PDE4D: variants seen among roughly 807,000 people sequenced by gnomAD.
PDE4D encodes the protein phosphodiesterase 4D, also known as 3',5'-cyclic-AMP phosphodiesterase 4D.
Under a neutral mutation model 87.4 loss-of-function variants are expected in PDE4D, and 24 were observed. The ratio of observed to expected loss-of-function variants is 0.27; its 90% CI spans 0.20 to 0.39. The LOEUF (loss-of-function observed/expected upper bound fraction) is 0.39. Ranked by LOEUF, PDE4D falls within the 10% of genes least tolerant of loss-of-function variation. PDE4D has a pLI of 1.00. For missense variants in PDE4D, 714 were observed against 1,041.0 expected (o/e 0.69, Z 4.32); for synonymous variants, 384 against 383.2 (o/e 1.00, Z -0.02).
chr5:59,661,260 T>C (rs1745217271), intron 1 of PDE4D, among the ~76,000 whole-genome samples: 1 of 152,036 alleles, frequency 6.6e-6, no homozygotes, highest in Non-Finnish European at 1.5e-5. Context: ...TTAAATAGCT[T>C]TTCCTTAGTA....
intron 1 of PDE4D, among the ~76,000 whole-genome samples, chr5:59,357,310 A>T (rs1781545867): frequency 6.6e-6 from 1 of 152,178 alleles, no homozygotes; most frequent in Admixed American, 6.5e-5. Context: ...TAAAAAATAC[A>T]TGCCTATGAC....
chr5:60,031,225 G>C (rs904927851), intron 2 of PDE4D, among the ~76,000 whole-genome samples: 1 of 152,164 alleles, frequency 6.6e-6, no homozygotes, highest in Non-Finnish European at 1.5e-5. Flanking sequence ...AAGAAACCCT[G>C]ATTTAGTCTA....
chr5:60,399,418 G>T (rs1260407074), intron 1 of PDE4D, among the ~76,000 whole-genome samples: 2 of 152,168 alleles, frequency 1.3e-5, no homozygotes, highest in African/African-American at 2.4e-5. Flanking sequence ...GTGGCCTTCT[G>T]GTATCTGAAA....
chr5:59,879,833 C>T (rs10472115), intron 1 of PDE4D, among the ~76,000 whole-genome samples: 14,105 of 152,186 alleles, frequency 0.093, 2,024 homozygotes, highest in African/African-American at 0.31. Context: ...CTCCGCTCCC[C>T]GGGTTTAAGC....
Position 59,215,887 on chromosome 5 carries a change from T to C in PDE4D, c.537A>G (p.Gln179=). ...MTSPGSGLIL[Q]ANFVHSQRRE... ...GTCGTTGACTGTGGACAAAATTTGC[T>C]TGGAGAATTAGCCCGGATCCTGGGC... The change falls in exon 2 of 15, where the codon CAA becomes CAG. Residue 179 remains glutamine, a synonymous_variant. Coordinates refer to ENST00000340635, the MANE Select transcript of PDE4D (RefSeq NM_001104631.2). 1.2e-6 allele frequency: 2 copies of C among 1,613,624 alleles called. No individual in the cohort carries two copies. Among genetic ancestry groups the C allele is most frequent in the Non-Finnish European group, 1.7e-6 (2 of 1,179,646 alleles).
At chr5:60,098,765 T>A (rs1181472667) in intron 2 of PDE4D, among the ~76,000 whole-genome samples, 1 of 152,080 alleles carries the variant, frequency 6.6e-6, no homozygotes, top group African/African-American at 2.4e-5. Context: ...TTTACTTCCA[T>A]TTCTTGCCTA....
At chr5:59,908,318 T>C (rs1380101027) in intron 3 of PDE4D, among the ~76,000 whole-genome samples, 3 of 152,178 alleles carry the variant, frequency 2.0e-5, no homozygotes, top group Non-Finnish European at 4.4e-5. Flanking sequence ...ACTCAAACTT[T>C]TTTTTAAAAA....
intron 1 of PDE4D, among the ~76,000 whole-genome samples, chr5:59,277,786 TCA>T (rs975707308): frequency 2.0e-5 from 3 of 152,076 alleles, no homozygotes; most frequent in East Asian, 1.9e-4. Flanking sequence ...CCCTTCTCTG[TCA>T]CACACACACA....
intron 2 of PDE4D, among the ~76,000 whole-genome samples, chr5:60,172,132 T>TATATATATATTATG (rs1783511506): frequency 4.1e-5 from 6 of 146,866 alleles, no homozygotes; most frequent in African/African-American, 1.5e-4. Flanking sequence ...ATATATAATA[T>TATATATATATTATG]AATATATATA....
rs79998359 is a variant in PDE4D at position 60,503,437 on chromosome 5, G to T, written n.70+18614C>A. 4.7e-3 allele frequency among the ~76,000 whole-genome samples: 721 copies of T among 152,072 alleles called. 2 individuals are homozygous for T. Among genetic ancestry groups the T allele is most frequent in the Non-Finnish European group, 7.4e-3 (503 of 67,934 alleles). ...TTCTCCCTCAATTTCTTTATTCTTGGCTATTATTTTCTTTGTCTTGCTTTG... is the reference window on the plus strand; with the variant it reads ...TTCTCCCTCAATTTCTTTATTCTTGTCTATTATTTTCTTTGTCTTGCTTTG... On this transcript the variant is annotated intron_variant and non_coding_transcript_variant, in intron 1 of 2. Coordinates refer to the PDE4D transcript ENST00000506510.
intron 1 of PDE4D, among the ~76,000 whole-genome samples, chr5:59,523,517 C>G (rs1437060063): frequency 6.6e-6 from 1 of 152,154 alleles, no homozygotes; most frequent in East Asian, 1.9e-4. Context: ...TTGTTTTGTG[C>G]TACATTCTCT....
intron 1 of PDE4D, among the ~76,000 whole-genome samples, chr5:59,498,956 A>C (rs1807741456): frequency 1.3e-5 from 2 of 152,162 alleles, no homozygotes; most frequent in African/African-American, 2.4e-5. Context: ...TCCACCCAAC[A>C]ACTACAGAAT....
At chr5:59,971,789 A>G (rs1401178528) in intron 3 of PDE4D, among the ~76,000 whole-genome samples, 1 of 152,190 alleles carries the variant, frequency 6.6e-6, no homozygotes, top group Non-Finnish European at 1.5e-5. Context: ...AACTTCTAGC[A>G]AAGTCAGGGC....
chr5:60,172,634 G>A (rs1321615057), intron 2 of PDE4D, among the ~76,000 whole-genome samples: 1 of 152,110 alleles, frequency 6.6e-6, no homozygotes, highest in African/African-American at 2.4e-5. Context: ...GGGTTGAGGG[G>A]AGAAAAGAAA....
At position 58,974,788 on chromosome 5, in the gene PDE4D, C is replaced by T; in HGVS notation, c.2306G>A (p.Cys769Tyr). The change falls in exon 15 of 15, where the codon TGT becomes TAT. Residue 769 changes from cysteine (C) to tyrosine (Y), a missense_variant. Cys to Tyr is a radical substitution (Grantham distance 194, BLOSUM62 -2). Transcript: ENST00000340635. ...TTCAGTAGACTCTGAGTCTTGAGTA[C>T]AAAGAGTCTTGGAGTCACTGCAGCT... ...DTSCSDSKTL[C>Y]TQDSESTEIP... 1 of 1,613,736 alleles carries T rather than the reference C, an allele frequency of 6.2e-7. No homozygotes were observed. The highest frequency in any genetic ancestry group is 8.5e-7 in the Non-Finnish European group (1 of 1,179,702).
At chr5:60,450,922 T>C (rs1746048984) in intron 1 of PDE4D, among the ~76,000 whole-genome samples, 1 of 152,144 alleles carries the variant, frequency 6.6e-6, no homozygotes. Context: ...AGGCCATTAC[T>C]ATTACTGTCG....
chr5:60,337,700 C>G (rs547413194), intron 1 of PDE4D, among the ~76,000 whole-genome samples: 12 of 152,080 alleles, frequency 7.9e-5, no homozygotes, highest in Non-Finnish European at 1.5e-4. Flanking sequence ...CCATTTTATT[C>G]CTCCCTTAGT....
intron 1 of PDE4D, among the ~76,000 whole-genome samples, chr5:60,349,738 G>A (rs994073897): frequency 1.3e-5 from 2 of 152,100 alleles, no homozygotes; most frequent in Admixed American, 1.3e-4. Context: ...TATATAGCAG[G>A]TAAGTAAATC....
chr5:59,604,015 T>A (rs1561305352), intron 1 of PDE4D, among the ~76,000 whole-genome samples: 2 of 151,966 alleles, frequency 1.3e-5, no homozygotes, highest in Non-Finnish European at 2.9e-5. Context: ...AAATGATAAA[T>A]ACACAATTTT....
Sources: gnomAD v4.1 joint callset for allele counts (sites outside exome capture counted in the v4.1 genomes callset) on GRCh38, gnomAD v4.1.1 for gene constraint, MANE v1.5 for transcripts, NCBI Gene and HGNC (gene_info 2026-07-23, HGNC 2026-07-21) for gene names.